PRKG2: variants seen among roughly 807,000 people sequenced by gnomAD.
PRKG2 encodes cGMP-dependent protein kinase 2.
PRKG2 carries 33 observed loss-of-function variants against 97.2 expected under a neutral mutation model. That is an observed-to-expected ratio of 0.34 (90% CI 0.26 to 0.45). The LOEUF (loss-of-function observed/expected upper bound fraction) is 0.45. PRKG2 is among the 20% of genes least tolerant of loss of function. The pLI is 1.00. For missense variants in PRKG2, 638 were observed against 900.0 expected, an observed-to-expected ratio of 0.71 and a Z score of 3.73; for synonymous variants, 330 against 321.8, an observed-to-expected ratio of 1.03 and a Z score of -0.27.
intron 5 of PRKG2, among the ~76,000 whole-genome samples, chr4:81,169,189 T>C (rs1263679479): frequency 6.6e-6 from 1 of 152,098 alleles, no homozygotes; most frequent in Non-Finnish European, 1.5e-5. Context: ...GTCAATTTGC[T>C]ACAAATAATA....
At chr4:81,203,614 T>C (rs1013846982) in intron 2 of PRKG2, among the ~76,000 whole-genome samples, 1 of 152,092 alleles carries the variant, frequency 6.6e-6, no homozygotes, top group Admixed American at 6.6e-5. Flanking sequence ...AAATACTCAG[T>C]TAAAAATAGT....
chr4:81,157,069 T>C (rs1198599262), intron 6 of PRKG2, among the ~76,000 whole-genome samples: 1 of 151,438 alleles, frequency 6.6e-6, no homozygotes, highest in African/African-American at 2.4e-5. Context: ...AGGCAAAAAA[T>C]AACTAAAATC....
chr4:81,116,974 C>T (rs1308915416), intron 14 of PRKG2, among the ~76,000 whole-genome samples: 3 of 142,888 alleles, frequency 2.1e-5, no homozygotes, highest in Admixed American at 1.4e-4. Flanking sequence ...TATCTATTTA[C>T]CCTGTTGTTA....
At chr4:81,153,172 T>G (rs934657158) in intron 7 of PRKG2, among the ~76,000 whole-genome samples, 1 of 152,250 alleles carries the variant, frequency 6.6e-6, no homozygotes, top group South Asian at 2.1e-4. Flanking sequence ...TCACTTGAGC[T>G]GTTTTGTATC....
At chr4:81,096,017 A>G (rs1301982702) in intron 17 of PRKG2, among the ~76,000 whole-genome samples, 3 of 152,178 alleles carry the variant, frequency 2.0e-5, no homozygotes, top group South Asian at 2.1e-4. Flanking sequence ...TGAGCCTTCA[A>G]TGAATCATAG....
chr4:81,105,119 CAT>C (rs1181804634), intron 16 of PRKG2, among the ~76,000 whole-genome samples: 13 of 152,176 alleles, frequency 8.5e-5, no homozygotes, highest in African/African-American at 3.1e-4. Flanking sequence ...TTATGTGGCA[CAT>C]GAGAAAATTC....
intron 14 of PRKG2, among the ~76,000 whole-genome samples, chr4:81,131,550 A>G (rs1007277011): frequency 5.9e-5 from 9 of 152,202 alleles, no homozygotes; most frequent in African/African-American, 2.2e-4. Context: ...GTAAATATAT[A>G]TTGCAAATAT....
chr4:81,209,551 T>A (rs917223372), intron 1 of PRKG2, among the ~76,000 whole-genome samples: 4 of 152,056 alleles, frequency 2.6e-5, no homozygotes, highest in Admixed American at 1.3e-4. Context: ...AAGAAAAAGA[T>A]AGAAACATAG....
intron 18 of PRKG2, among the ~76,000 whole-genome samples, chr4:81,091,273 TTTATTA>T (rs3042593): frequency 1.3e-5 from 2 of 151,398 alleles, no homozygotes; most frequent in African/African-American, 2.4e-5. Flanking sequence ...CAGTAGTGTT[TTTATTA>T]TTATTATTAT....
intron 2 of PRKG2, among the ~76,000 whole-genome samples, chr4:81,196,750 C>T (rs1752983717): frequency 6.6e-6 from 1 of 151,594 alleles, no homozygotes; most frequent in Non-Finnish European, 1.5e-5. Flanking sequence ...CCATTCCTGG[C>T]TATAGATCTC....
intron 9 of PRKG2, 149 bp from the exon 10 acceptor site, chr4:81,144,479 T>C (rs1042262992): frequency 4.7e-6 from 3 of 636,026 alleles, no homozygotes; most frequent in Admixed American, 2.9e-5. Flanking sequence ...GTTGATGTAA[T>C]ATGTACAAGG....
Position 81,169,783 on chromosome 4 carries a change from A to T in PRKG2, c.743-15T>A. 1 of 1,528,504 alleles carries T rather than the reference A, an allele frequency of 6.5e-7. No homozygotes were observed. The highest frequency in any genetic ancestry group is 9.0e-7 in the Non-Finnish European group (1 of 1,114,242). The allele number at this position is 1,528,504 out of a possible 1,614,324, so 94.7% of individuals were successfully genotyped here. On this transcript the variant is annotated splice_polypyrimidine_tract_variant and intron_variant, in intron 4 of 18. Transcript: ENST00000264399. The stretch of plus-strand genomic sequence containing the variant: ...ATTGGTAATAGCTTTAGAAAATTCA[A>T]GAAAACAATAAAACACTTAGTACAA...
intron 2 of PRKG2, among the ~76,000 whole-genome samples, chr4:81,194,043 T>G (rs1190221152): frequency 1.3e-5 from 2 of 152,110 alleles, no homozygotes; most frequent in Non-Finnish European, 2.9e-5. Context: ...AGCTAGAGAT[T>G]TTCTCTTCTA....
chr4:81,197,374 A>G (rs1440766132), intron 2 of PRKG2, among the ~76,000 whole-genome samples: 2 of 152,326 alleles, frequency 1.3e-5, no homozygotes, highest in East Asian at 1.9e-4. Context: ...CCCTTGTTAA[A>G]AGCCAGCACT....
At chr4:81,157,912 T>C (rs1177164011) in intron 6 of PRKG2, among the ~76,000 whole-genome samples, 1 of 146,980 alleles carries the variant, frequency 6.8e-6, no homozygotes, top group East Asian at 1.9e-4. Context: ...ATAAATTAGG[T>C]ATTGATGGGA....
intron 14 of PRKG2, among the ~76,000 whole-genome samples, chr4:81,126,052 C>A (rs564286294): frequency 6.6e-6 from 1 of 152,106 alleles, no homozygotes; most frequent in Admixed American, 6.5e-5. Flanking sequence ...CAACAGGCCC[C>A]GGTGTGTGAT....
intron 6 of PRKG2, among the ~76,000 whole-genome samples, chr4:81,154,573 G>A (rs1462747872): frequency 6.8e-6 from 1 of 146,588 alleles, no homozygotes; most frequent in Non-Finnish European, 1.5e-5. Context: ...CTGTTAGAAG[G>A]AAAACTAACA....
intron 6 of PRKG2, among the ~76,000 whole-genome samples, chr4:81,161,989 T>G (rs1417907543): frequency 6.6e-6 from 1 of 152,124 alleles, no homozygotes; most frequent in African/African-American, 2.4e-5. Context: ...TGAAAGGCAA[T>G]GTTGCCTGAA....
chr4:81,151,951 T>A lies in PRKG2; in HGVS notation c.1085+9A>T, dbSNP rs766408792. The A allele has an allele frequency of 6.3e-7, 1 of 1,586,126 alleles. No homozygotes were observed. The highest frequency in any genetic ancestry group is 8.6e-7 in the Non-Finnish European group (1 of 1,157,454). On this transcript the variant is annotated intron_variant, in intron 8 of 18. Coordinates refer to ENST00000264399, the MANE Select transcript of PRKG2 (RefSeq NM_006259.3). ...TATCCAAAGTATGGCATATAATTCA[T>A]GAATTCACCTGATAAGAGCTTTTTC...
Sources: allele counts gnomAD v4.1 joint callset (sites outside exome capture counted in the v4.1 genomes callset), GRCh38; gene constraint gnomAD v4.1.1; transcripts MANE v1.5; gene names NCBI Gene and HGNC (gene_info 2026-07-23, HGNC 2026-07-21).